The following CEP170B variants were observed in gnomAD, a reference collection of about 807,000 sequenced individuals.
The protein encoded by CEP170B is centrosomal protein of 170 kDa protein B.
In CEP170B, 55 loss-of-function variants were observed where a neutral mutation model predicts 120.6. The ratio of observed to expected loss-of-function variants is 0.46; its 90% CI spans 0.37 to 0.57. The LOEUF is 0.57. CEP170B is among the 20% of genes least tolerant of loss of function. The pLI is 0.00. For missense variants in CEP170B, 2,212 were observed against 2,253.3 expected, an observed-to-expected ratio of 0.98 and a Z score of 0.37; for synonymous variants, 1,033 against 954.5, an observed-to-expected ratio of 1.08 and a Z score of -1.52.
chr14:104,877,833 G>GCCCCCCCCCCCCCCCCCCCCCCC, intron 3 of CEP170B, 52 bp from the exon 4 acceptor site: 3 of 359,764 alleles, frequency 8.3e-6, no homozygotes, highest in South Asian at 7.1e-5. Context: ...CCTGCCCACA[G>GCCCCCCCCCCCCCCCCCCCCCCC]CCACCCACCC....
rs887864684 is a variant in CEP170B at position 104,865,888 on chromosome 14, C to G, written c.-28+375C>G. On this transcript the variant is annotated intron_variant, in intron 1 of 18. Coordinates refer to ENST00000414716, the MANE Select transcript of CEP170B (RefSeq NM_001112726.3). This position sits in a 1 kb window ranked among gnomAD's most constrained non-coding sequence, Gnocchi z 6.7. ...TGGCCTGGTCTCTCCTCCCGCGGTC[C>G]CTCCCTCCGTCTTCCTCCTCCTCCC... Among the ~76,000 whole-genome samples, 2 of 152,134 alleles carry G rather than the reference C, an allele frequency of 1.3e-5. No individual in the cohort carries two copies. Among genetic ancestry groups the G allele is most frequent in the Non-Finnish European group, 2.9e-5 (2 of 67,992 alleles).
chr14:104,886,539 A>G lies in CEP170B; in HGVS notation c.2300A>G (p.Asp767Gly). 6.6e-7 allele frequency: 1 copy of G among 1,509,758 alleles called. No homozygotes were observed. 93.5% of individuals were successfully genotyped at this position (1,509,758 alleles called of 1,614,324 possible). ...CCCGAGCCAGGGGTGGAGCCACAGG[A>G]CAGCAGACGCAGGAGCCCCCAGGAG... ...RGPEPGVEPQ[D>G]SRRRSPQEGP... The change falls in exon 12 of 19, where the codon GAC (aspartate) becomes GGC (glycine). Residue 767 changes from aspartate to glycine, a missense_variant. Around this residue, in one of 2 missense-constraint regions of CEP170B, gnomAD observed 2,166 missense variants for 2,166.7 expected, o/e 1.00. Coordinates refer to ENST00000414716, the MANE Select transcript of CEP170B (RefSeq NM_001112726.3).
At chr14:104,876,196 G>C in intron 2 of CEP170B, 60 bp from the exon 3 acceptor site, 1 of 1,504,026 alleles carries the variant, frequency 6.6e-7, no homozygotes, top group Non-Finnish European at 9.0e-7. Context: ...GGGTGCCTCT[G>C]CCTCTTGGGT....
chr14:104,887,259 C>T lies in CEP170B; in HGVS notation c.3020C>T (p.Ser1007Phe), dbSNP rs1254373651. Reference protein sequence around the residue: ...GTALVSAREQSSERQHHPLGP... With the variant: ...GTALVSAREQFSERQHHPLGP... ...GCCCTGGTCAGTGCCCGTGAGCAGT[C>T]CTCAGAGAGGCAGCATCACCCACTT... Residue 1007 changes from serine to phenylalanine, a missense_variant, in exon 12 of 19, where the codon TCC becomes TTC. Coordinates refer to ENST00000414716, the MANE Select transcript of CEP170B (RefSeq NM_001112726.3). 8.1e-6 allele frequency: 13 copies of T among 1,607,808 alleles called. No individual in the cohort carries two copies. The South Asian group carries it at 1.3e-4, about 16-fold the overall frequency.
chr14:104,883,802 G>A, intron 8 of CEP170B, 29 bp from the exon 9 acceptor site: 1 of 1,503,376 alleles, frequency 6.7e-7, no homozygotes, highest in Non-Finnish European at 8.9e-7. Context: ...CTCTCGGCCT[G>A]ACAAGGTGGG....
chr14:104,872,349 CGT>C lies in CEP170B; in HGVS notation c.105+3802_105+3803del, dbSNP rs1244337006. Among the ~76,000 whole-genome samples, 98 of 111,626 alleles carry C rather than the reference CGT, an allele frequency of 8.8e-4. 12 individuals carry two copies. Among genetic ancestry groups the C allele is most frequent in the Non-Finnish European group, 1.2e-3 (67 of 58,012 alleles). 73.2% of individuals were successfully genotyped at this position (111,626 alleles called of 152,430 possible). A position where few individuals can be genotyped will look rare whatever the true frequency, so the allele number is the denominator to read the frequency against. On this transcript the variant is annotated intron_variant, in intron 2 of 18. Coordinates refer to ENST00000414716, the MANE Select transcript of CEP170B (RefSeq NM_001112726.3). ...GTGTGCGTGGGTGTGCGTGTGTGTG[CGT>C]GTGTGTGCCGCGTGTGTGTGCCATG...
At position 104,868,672 on chromosome 14, in the gene CEP170B, C is replaced by A; in HGVS notation, c.105+117C>A. 1.0e-6 allele frequency: 1 copy of A among 1,000,264 alleles called. No homozygotes were observed. The highest frequency in any genetic ancestry group is 1.5e-6 in the Non-Finnish European group (1 of 684,766). The allele number at this position is 1,000,264 out of a possible 1,614,324, so 62.0% of individuals were successfully genotyped here. A position where few individuals can be genotyped will look rare whatever the true frequency, so the allele number is the denominator to read the frequency against. ...CCACCCTGGCGAGGAGGCCGCCATG[C>A]AGCCCAGGCTGGGCCTCTTAACTTG... On this transcript the variant is annotated intron_variant, in intron 2 of 18. Transcript: ENST00000414716. The surrounding 1 kb of genome is among the most constrained non-coding windows in gnomAD (Gnocchi z 5.9).
chr14:104,894,431 G>T, intron 17 of CEP170B, 53 bp downstream of exon 17: 1 of 1,607,310 alleles, frequency 6.2e-7, no homozygotes, highest in Non-Finnish European at 8.5e-7. Flanking sequence ...GCCTGCCTTT[G>T]CCTGGCTGGC....
In CEP170B at chr14:104,883,411, G is replaced by A; in HGVS notation, c.954G>A (p.Leu318=). The change falls in exon 8 of 19, where the codon CTG becomes CTA. Residue 318 remains leucine (L), a synonymous_variant. Coordinates refer to ENST00000414716, the MANE Select transcript of CEP170B (RefSeq NM_001112726.3). ...CTGAGACCAAGGTGGCCGACTGGCT[G>A]GTGCAGAATGACCCGAGCCTGCTGC... ...VSAETKVADW[L]VQNDPSLLHR... is the part of the protein sequence containing the mutation. 11 of 1,584,284 alleles carry A rather than the reference G, an allele frequency of 6.9e-6. No homozygotes were observed. The highest frequency in any genetic ancestry group is 9.4e-6 in the Non-Finnish European group (11 of 1,166,848).
rs1320936226 is a variant in CEP170B at position 104,884,236 on chromosome 14, C to A, written c.1457C>A (p.Pro486His). The A allele has an allele frequency of 6.5e-7, 1 of 1,544,342 alleles. No homozygotes were observed. The highest frequency in any genetic ancestry group is 8.7e-7 in the Non-Finnish European group (1 of 1,147,092). ...LGSPSPASRT[P>H]ARPFGSVGRR... ...AGCCCCTCGCCCGCCTCCCGAACCC[C>A]TGCCCGCCCCTTCGGAAGCGTGGGG... Residue 486 changes from proline to histidine, a missense_variant, in exon 9 of 19, where the codon CCT (proline) becomes CAT (histidine). Physicochemically the swap from Pro to His is moderately conservative, Grantham distance 77 (BLOSUM62 -2). Around this residue, in one of 2 missense-constraint regions of CEP170B, gnomAD observed 2,166 missense variants for 2,166.7 expected, o/e 1.00. Coordinates refer to ENST00000414716, the MANE Select transcript of CEP170B (RefSeq NM_001112726.3).
At chr14:104,889,905 A>ATGGATGGATGG (rs1566872422) in intron 13 of CEP170B, 147 bp downstream of exon 13, 6 of 137,264 alleles carry the variant, frequency 4.4e-5, no homozygotes, top group South Asian at 2.4e-4. Context: ...TGGATGGACA[A>ATGGATGGATGG]ATGGATGGAT....
intron 3 of CEP170B, among the ~76,000 whole-genome samples, chr14:104,876,563 T>TCTCAGCCCTGGCCCCTCCCC: frequency 1.0e-5 from 1 of 96,372 alleles, no homozygotes; most frequent in Non-Finnish European, 2.1e-5. Context: ...GGCCCCTCCC[T>TCTCAGCCCTGGCCCCTCCCC]CTCAGCCCTG....
Position 104,868,678 on chromosome 14 carries a change from AG to A in CEP170B, c.105+125del. On this transcript the variant is annotated intron_variant, in intron 2 of 18. Coordinates refer to ENST00000414716, the MANE Select transcript of CEP170B (RefSeq NM_001112726.3). The surrounding 1 kb of genome is among the most constrained non-coding windows in gnomAD (Gnocchi z 5.9). ...TGGCGAGGAGGCCGCCATGCAGCCC[AG>A]GCTGGGCCTCTTAACTTGGGTCCCG... The A allele has an allele frequency of 1.1e-6, 1 of 923,156 alleles. No individual in the cohort carries two copies. Among genetic ancestry groups the A allele is most frequent in the Non-Finnish European group, 1.6e-6 (1 of 621,502 alleles). The allele number at this position is 923,156 out of a possible 1,614,324, so 57.2% of individuals were successfully genotyped here. A position where few individuals can be genotyped will look rare whatever the true frequency, so the allele number is the denominator to read the frequency against.
Position 104,896,199 on chromosome 14 carries a change from G to A in CEP170B, c.*1241G>A, listed in dbSNP as rs944273231. 1.3e-4 allele frequency: 27 copies of A among 213,942 alleles called. No individual in the cohort carries two copies. Among genetic ancestry groups the A allele is most frequent in the African/African-American group, 6.0e-4 (26 of 43,498 alleles). 13.3% of individuals were successfully genotyped at this position (213,942 alleles called of 1,614,324 possible). On this transcript the variant is annotated 3_prime_UTR_variant, in exon 19 of 19. Coordinates refer to ENST00000414716, the MANE Select transcript of CEP170B (RefSeq NM_001112726.3). ...GGACAGGGCCAGCTGCTGGGGGAGC[G>A]GCACTGGGGACTGGAGGCTGGAAGC...
intron 2 of CEP170B, 150 bp from the exon 3 acceptor site, chr14:104,876,105 TG>T: frequency 1.4e-6 from 1 of 713,508 alleles, no homozygotes; most frequent in Non-Finnish European, 2.4e-6. Flanking sequence ...AATCCTGCTC[TG>T]GAGACAGGGT....
Position 104,895,204 on chromosome 14 carries a change from T to C in CEP170B, c.*246T>C. ...CCCCCTACAGGCCTCTGGGCCCAGCTCCTGGCCAGGCTGCTGCCAAGGTCA... is the reference window on the plus strand; with the variant it reads ...CCCCCTACAGGCCTCTGGGCCCAGCCCCTGGCCAGGCTGCTGCCAAGGTCA... On this transcript the variant is annotated 3_prime_UTR_variant, in exon 19 of 19. Coordinates refer to ENST00000414716, the MANE Select transcript of CEP170B (RefSeq NM_001112726.3). 1 of 459,246 alleles carries C rather than the reference T, an allele frequency of 2.2e-6. No individual in the cohort carries two copies. The highest frequency in any genetic ancestry group is 3.8e-6 in the Non-Finnish European group (1 of 264,066). 28.4% of individuals were successfully genotyped at this position (459,246 alleles called of 1,614,324 possible). A position where few individuals can be genotyped will look rare whatever the true frequency, so the allele number is the denominator to read the frequency against.
chr14:104,866,953 G>A (rs1356542284), intron 1 of CEP170B, among the ~76,000 whole-genome samples: 1 of 152,154 alleles, frequency 6.6e-6, no homozygotes, highest in Non-Finnish European at 1.5e-5. Context: ...TTCTTGACTG[G>A]CCTCCTGAGT....
At chr14:104,890,475 T>C (rs1447156837) in intron 13 of CEP170B, among the ~76,000 whole-genome samples, 1 of 141,846 alleles carries the variant, frequency 7.0e-6, no homozygotes, top group Non-Finnish European at 1.5e-5. Flanking sequence ...GATGGATGGA[T>C]GGATGAATGA....
upstream of CEP170B, among the ~76,000 whole-genome samples, chr14:104,864,692 G>A (rs975001019): frequency 6.6e-6 from 1 of 152,186 alleles, no homozygotes; most frequent in Non-Finnish European, 1.5e-5. The surrounding 1 kb of genome is among the most constrained non-coding windows in gnomAD (Gnocchi z 5.9). Context: ...AGCGCCCGGG[G>A]TCAGAGGTGG....
Sources: allele counts gnomAD v4.1 joint callset (sites outside exome capture counted in the v4.1 genomes callset), GRCh38; gene constraint gnomAD v4.1.1; regional missense constraint gnomAD v4.1.1; non-coding constraint Gnocchi (gnomAD v3.1); transcripts MANE v1.5; gene names NCBI Gene and HGNC (gene_info 2026-07-23, HGNC 2026-07-21).